Variants in TNRC6C observed in about 807,000 individuals in gnomAD.
The protein encoded by TNRC6C is trinucleotide repeat-containing gene 6C protein.
A neutral mutation model predicts 153.7 loss-of-function variants in TNRC6C; 20 were observed. The observed-to-expected ratio is 0.13, with a 90% CI of 0.09 to 0.19. The LOEUF (loss-of-function observed/expected upper bound fraction) is 0.19, where lower values mean the gene tolerates loss of function less well. Ranked by LOEUF, TNRC6C falls within the 10% of genes least tolerant of loss-of-function variation. The probability of loss-of-function intolerance (pLI) is 1.00; values close to 1 mark genes in which losing one functional copy is unlikely to be tolerated. For synonymous variants in TNRC6C, 811 were observed against 841.4 expected (o/e 0.96, Z 0.63); for missense variants, 1,987 against 2,172.0 (o/e 0.91, Z 1.69).
intron 6 of TNRC6C, 58 bp from the exon 9 acceptor site, chr17:78,072,979 G>T: frequency 7.6e-7 from 1 of 1,310,500 alleles, no homozygotes; most frequent in Non-Finnish European, 1.1e-6. Context: ...TAAATTGTTT[G>T]TAACCTTTCC....
chr17:78,107,083 C>A (rs561964613), exon 20 of TNRC6C: 29 of 152,226 alleles, frequency 1.9e-4, no homozygotes, highest in African/African-American at 7.0e-4. Context: ...CATACACCTG[C>A]GTATGTATAT....
chr17:78,019,863 A>G (rs776587498), intron 1 of TNRC6C, among the ~76,000 whole-genome samples: 2 of 152,176 alleles, frequency 1.3e-5, no homozygotes, highest in Non-Finnish European at 2.9e-5. Flanking sequence ...GAAGAAGGGG[A>G]ATGTCAAGAT....
chr17:78,023,031 G>T (rs951002922), intron 1 of TNRC6C, among the ~76,000 whole-genome samples: 1 of 151,962 alleles, frequency 6.6e-6, no homozygotes, highest in African/African-American at 2.4e-5. Context: ...TGCACCTATT[G>T]TCCCAGCTAT....
At chr17:78,087,460 A>G (rs1411581431) in intron 13 of TNRC6C, among the ~76,000 whole-genome samples, 1 of 147,046 alleles carries the variant, frequency 6.8e-6, no homozygotes, top group African/African-American at 2.6e-5. Flanking sequence ...CACGTTGTAT[A>G]GAGCAGGAGT....
chr17:77,975,095 C>A (rs2070979457), intron 1 of TNRC6C, among the ~76,000 whole-genome samples: 1 of 152,092 alleles, frequency 6.6e-6, no homozygotes, highest in African/African-American at 2.4e-5. Context: ...AAAGAAATTT[C>A]TTTAAGTCTC....
chr17:78,004,280 A>G, upstream of TNRC6C: 2 of 1,231,752 alleles, frequency 1.6e-6, no homozygotes, highest in Non-Finnish European at 2.0e-6. Flanking sequence ...GTTTGGCTGA[A>G]GTTCCTGCTT....
At chr17:78,092,628 C>G (rs999504888) in intron 14 of TNRC6C, among the ~76,000 whole-genome samples, 1 of 152,144 alleles carries the variant, frequency 6.6e-6, no homozygotes, top group Non-Finnish European at 1.5e-5. Context: ...ACCTGTAGTT[C>G]CAGCTACTTG....
chr17:78,081,189 A>G (rs929551586), intron 10 of TNRC6C, among the ~76,000 whole-genome samples: 6 of 151,758 alleles, frequency 4.0e-5, no homozygotes, highest in South Asian at 4.2e-4. Flanking sequence ...TGCTGATCCA[A>G]TTCATGGGGG....
At chr17:78,069,010 A>C (rs2072937768) in intron 5 of TNRC6C, among the ~76,000 whole-genome samples, 1 of 152,220 alleles carries the variant, frequency 6.6e-6, no homozygotes, top group African/African-American at 2.4e-5. Flanking sequence ...TTTTGGACTC[A>C]GAGAGGCCTA....
chr17:78,102,796 G>A (rs540541418), intron 18 of TNRC6C: 5 of 495,052 alleles, frequency 1.0e-5, no homozygotes, highest in Admixed American at 3.8e-5. Flanking sequence ...GGCTGGAAAA[G>A]TGTGCTCTGT....
At chr17:78,090,031 G>C (rs529455894) in intron 13 of TNRC6C, among the ~76,000 whole-genome samples, 1 of 152,324 alleles carries the variant, frequency 6.6e-6, no homozygotes, top group Non-Finnish European at 1.5e-5. Flanking sequence ...GGCTAGATCT[G>C]TACAAGCTGA....
chr17:78,071,138 C>T, exon 6 of TNRC6C: 2 of 1,606,202 alleles, frequency 1.2e-6, no homozygotes, highest in South Asian at 1.1e-5. Context: ...GCCGGCTGAT[C>T]AAACAACTCA....
chr17:78,018,650 A>G (rs973907555), intron 1 of TNRC6C, among the ~76,000 whole-genome samples: 12 of 152,168 alleles, frequency 7.9e-5, no homozygotes, highest in Non-Finnish European at 1.6e-4. Context: ...TGAACCATGT[A>G]TCTTACTTAC....
chr17:78,067,436 A>C (rs76103330), intron 4 of TNRC6C, among the ~76,000 whole-genome samples: 1,766 of 152,336 alleles, frequency 0.012, 31 homozygotes, highest in African/African-American at 0.04. Flanking sequence ...TACCATGTAG[A>C]GATTGCCACC....
intron 1 of TNRC6C, among the ~76,000 whole-genome samples, chr17:77,970,655 TTG>T (rs113276737): frequency 9.7e-4 from 147 of 150,860 alleles, no homozygotes; most frequent in African/African-American, 3.2e-3. Context: ...ACTATGAGAT[TTG>T]TGTGTGTGTG....
chr17:78,070,999 C>A, intron 5 of TNRC6C, 86 bp from the exon 8 acceptor site: 1 of 1,303,180 alleles, frequency 7.7e-7, no homozygotes, highest in Non-Finnish European at 1.1e-6. Context: ...TTTAAATGAC[C>A]CTGAATTTAG....
exon 20 of TNRC6C, chr17:78,105,561 C>T (rs1434798907): frequency 6.6e-6 from 1 of 152,212 alleles, no homozygotes; most frequent in Admixed American, 6.5e-5. Context: ...GACATCAGTA[C>T]ACAGAAACAG....
At chr17:77,958,377 G>A (rs1202763839), upstream of TNRC6C, among the ~76,000 whole-genome samples, 1 of 151,982 alleles carries the variant, frequency 6.6e-6, no homozygotes, top group Non-Finnish European at 1.5e-5. Context: ...AAGCTCCCAG[G>A]ACTGGCGCGC....
rs1468162967 is a variant in TNRC6C, at chr17:78,011,937, A to G, written c.-546+6858A>G. The G allele has an allele frequency of 2.0e-5, 3 of 152,138 alleles. No individual in the cohort carries two copies. In the East Asian group the frequency reaches 5.8e-4, roughly 29 times the overall value. 9.4% of individuals were successfully genotyped at this position (152,138 alleles called of 1,614,324 possible). ...CTTTATTTTAATGTGCTTATTTGTC[A>G]TCTTGGTGAAGCGTCTTTTAAAGTC... On this transcript the variant is annotated intron_variant, in intron 1 of 19. Transcript: ENST00000301624.
Sources: allele counts gnomAD v4.1 joint callset (sites outside exome capture counted in the v4.1 genomes callset), GRCh38; gene constraint gnomAD v4.1.1; transcripts MANE v1.5; gene names NCBI Gene and HGNC (gene_info 2026-07-23, HGNC 2026-07-21).